Variants in ELANE observed in about 807,000 individuals in gnomAD.
ELANE encodes the protein elastase, neutrophil expressed, also known as neutrophil elastase.
Under a neutral mutation model 20.6 loss-of-function variants are expected in ELANE, and 12 were observed. The ratio of observed to expected loss-of-function variants is 0.58; its 90% CI spans 0.37 to 0.94. The LOEUF is 0.94. Ranked by LOEUF, ELANE falls within the 40% of genes least tolerant of loss-of-function variation. ELANE has a pLI of 0.01. For missense variants in ELANE, 388 were observed against 395.2 expected, an observed-to-expected ratio of 0.98 and a Z score of 0.15; for synonymous variants, 203 against 177.4, an observed-to-expected ratio of 1.14 and a Z score of -1.15.
rs144635045 is a variant in ELANE at position 853,538 on chromosome 19, C to T, written c.366+135C>T. 9,800 of 1,045,560 alleles carry T rather than the reference C, an allele frequency of 9.4e-3. 95 individuals carry two copies. The highest frequency in any genetic ancestry group is 0.025 in the Middle Eastern group (82 of 3,292). 64.8% of individuals were successfully genotyped at this position (1,045,560 alleles called of 1,614,324 possible). On this transcript the variant is annotated intron_variant, in intron 3 of 4. Coordinates refer to ENST00000263621, the MANE Select transcript of ELANE (RefSeq NM_001972.4). The stretch of plus-strand genomic sequence containing the variant: ...ATCGTGGGCTGGGTGGTCCCCTCTC[C>T]GCGCCTCGGTCTGCACCTCTGTGAA...
In ELANE at chr19:855,153, AT is replaced by A. The variant is rs977019262; in HGVS notation, c.367-402del. Among the ~76,000 whole-genome samples, 1 of 151,338 alleles carries A rather than the reference AT, an allele frequency of 6.6e-6. No homozygotes were observed. The highest frequency in any genetic ancestry group is 2.4e-5 in the African/African-American group (1 of 41,198). ...TAGGCGTGAGCCACCGCACCTGGCA[AT>A]TTTTTTTTATTATTTTTGTAGACAT... On this transcript the variant is annotated intron_variant, in intron 3 of 4. Coordinates refer to ENST00000263621, the MANE Select transcript of ELANE (RefSeq NM_001972.4). This position sits in a 1 kb window ranked among gnomAD's most constrained non-coding sequence, Gnocchi z 6.2.
At chr19:853,443 A>G (rs1239551268) in intron 3 of ELANE, 40 bp downstream of exon 3, 2 of 1,535,908 alleles carry the variant, frequency 1.3e-6, no homozygotes, top group African/African-American at 1.4e-5. Flanking sequence ...GGCGGAGGCC[A>G]GAGGCCTGGG....
intron 3 of ELANE, among the ~76,000 whole-genome samples, chr19:853,986 T>C (rs1378924160): frequency 6.7e-6 from 1 of 149,558 alleles, no homozygotes; most frequent in Non-Finnish European, 1.5e-5. Flanking sequence ...ACAAACTTAC[T>C]GAGAAGGGAG....
intron 1 of ELANE, 144 bp from the exon 2 acceptor site, chr19:852,732 A>T: frequency 1.6e-6 from 2 of 1,246,820 alleles, no homozygotes; most frequent in Non-Finnish European, 2.1e-6. Flanking sequence ...AACGGCCCCG[A>T]TCCCGTGGGT....
chr19:852,715 G>T (rs1319623366), intron 1 of ELANE, among the ~76,000 whole-genome samples, 161 bp from the exon 2 acceptor site: 1 of 149,554 alleles, frequency 6.7e-6, no homozygotes, highest in Non-Finnish European at 1.5e-5. Context: ...TGAACAACAG[G>T]GGTGCGAACG....
chr19:852,769 CGGTGGGGGATCCCGTGGGTTCCT>C lies in ELANE; in HGVS notation c.68-94_68-72del, dbSNP rs1165770487. 8.5e-5 allele frequency: 120 copies of C among 1,408,184 alleles called. No homozygotes were observed. In the African/African-American group the frequency reaches 9.1e-4, roughly 11 times the overall value. 87.2% of individuals were successfully genotyped at this position (1,408,184 alleles called of 1,614,324 possible). A position where few individuals can be genotyped will look rare whatever the true frequency, so the allele number is the denominator to read the frequency against. On this transcript the variant is annotated intron_variant, in intron 1 of 4. Coordinates refer to ENST00000263621, the MANE Select transcript of ELANE (RefSeq NM_001972.4). ...CCCGGTGGGGGATCCCGTGGGTTCC[CGGTGGGGGATCCCGTGGGTTCCT>C]GGTGGGGGATCCAGAGGCCCCGTGG...
At position 853,048 on chromosome 19, in the gene ELANE, T is replaced by C; in HGVS notation, c.224+16T>C. 1 of 1,520,948 alleles carries C rather than the reference T, an allele frequency of 6.6e-7. No individual in the cohort carries two copies. Among genetic ancestry groups the C allele is most frequent in the East Asian group, 2.6e-5 (1 of 38,584 alleles). The allele number at this position is 1,520,948 out of a possible 1,614,324, so 94.2% of individuals were successfully genotyped here. A position where few individuals can be genotyped will look rare whatever the true frequency, so the allele number is the denominator to read the frequency against. ...TGGCGAATGTGTGAGTAGCCGGGAG[T>C]GTGCGCGCCCGGCTCGGACCCCGCG... On this transcript the variant is annotated intron_variant, in intron 2 of 4. Coordinates refer to ENST00000263621, the MANE Select transcript of ELANE (RefSeq NM_001972.4).
chr19:854,732 TATA>T lies in ELANE; in HGVS notation c.367-825_367-823del, dbSNP rs533181068. ...ATAATATTTATAATTATTTTATAAT[TATA>T]ATAATATTTATATAATTATAAATAT... On this transcript the variant is annotated intron_variant, in intron 3 of 4. Coordinates refer to ENST00000263621, the MANE Select transcript of ELANE (RefSeq NM_001972.4). 9.6e-3 allele frequency among the ~76,000 whole-genome samples: 1,407 copies of T among 146,184 alleles called. 15 individuals carry two copies. Among genetic ancestry groups the T allele is most frequent in the African/African-American group, 0.017 (682 of 40,386 alleles).
rs949102904 is a variant in ELANE, at chr19:853,116, T to C, written c.224+84T>C. ...GGTGGGGGGAGGCCGGGGCCGGGGC[T>C]GCTGGCGGGGGGGGGTCCGTCCAGG... is the stretch of plus-strand genomic sequence containing the variant. On this transcript the variant is annotated intron_variant, in intron 2 of 4. Coordinates refer to ENST00000263621, the MANE Select transcript of ELANE (RefSeq NM_001972.4). 1.1e-5 allele frequency: 16 copies of C among 1,402,428 alleles called. No individual in the cohort carries two copies. In the African/African-American group the frequency reaches 2.0e-4, roughly 18 times the overall value. The allele number at this position is 1,402,428 out of a possible 1,614,324, so 86.9% of individuals were successfully genotyped here. A position where few individuals can be genotyped will look rare whatever the true frequency, so the allele number is the denominator to read the frequency against.
chr19:855,404 C>T lies in ELANE; in HGVS notation c.367-160C>T, dbSNP rs17223038. Among the ~76,000 whole-genome samples, 3,637 of 152,278 alleles carry T rather than the reference C, an allele frequency of 0.024. 149 individuals are homozygous for T. Among genetic ancestry groups the T allele is most frequent in the African/African-American group, 0.083 (3,441 of 41,550 alleles). ...GCTCCCACTCTACAGATGGGGAAAC[C>T]GAGGCTTGCCTTGGGGAGCAGAGTG... On this transcript the variant is annotated intron_variant, in intron 3 of 4. Coordinates refer to ENST00000263621, the MANE Select transcript of ELANE (RefSeq NM_001972.4). The surrounding 1 kb of genome is among the most constrained non-coding windows in gnomAD (Gnocchi z 6.2).
chr19:852,578 G>A (rs1188847926), intron 1 of ELANE, among the ~76,000 whole-genome samples, 183 bp downstream of exon 1: 1 of 143,772 alleles, frequency 7.0e-6, no homozygotes, highest in Non-Finnish European at 1.5e-5. Context: ...CCAGAGTTGG[G>A]GTTTGAAAAC....
At chr19:854,702 A>C (rs187050818) in intron 3 of ELANE, among the ~76,000 whole-genome samples, 8 of 146,122 alleles carry the variant, frequency 5.5e-5, no homozygotes, top group Non-Finnish European at 7.5e-5. Context: ...ATTTAAATAA[A>C]ATATATAATA....
At position 853,484 on chromosome 19, in the gene ELANE, C is replaced by T. The variant is rs938188222; in HGVS notation, c.366+81C>T. On this transcript the variant is annotated intron_variant, in intron 3 of 4. Transcript: ENST00000263621. ...TGGAGGCTGCGACGGAGGGGCGCGTCGGGGCCGCTCGTGGGGACCTGGGGT... is the reference window on the plus strand; with the variant it reads ...TGGAGGCTGCGACGGAGGGGCGCGTTGGGGCCGCTCGTGGGGACCTGGGGT... 6.0e-6 allele frequency: 9 copies of T among 1,493,862 alleles called. No individual in the cohort carries two copies. In the Admixed American group the frequency reaches 6.1e-5, roughly 10 times the overall value. 92.5% of individuals were successfully genotyped at this position (1,493,862 alleles called of 1,614,324 possible).
In ELANE at chr19:853,021, C is replaced by A; in HGVS notation, c.213C>A (p.Cys71Ter). Residue 71 changes from cysteine to a stop codon, truncating the protein, a stop_gained, in exon 2 of 5, where the codon TGC becomes TGA. Coordinates refer to ENST00000263621, the MANE Select transcript of ELANE (RefSeq NM_001972.4). LOFTEE classifies it high-confidence loss of function. ...ACTTCGTCATGTCGGCCGCGCACTG[C>A]GTGGCGAATGTGTGAGTAGCCGGGA... ...APNFVMSAAH[C>*]VANVNVRAVR... 1 of 1,556,460 alleles carries A rather than the reference C, an allele frequency of 6.4e-7. No individual in the cohort carries two copies. Among genetic ancestry groups the A allele is most frequent in the Non-Finnish European group, 8.6e-7 (1 of 1,157,756 alleles).
In ELANE at chr19:855,775, G is replaced by A. The variant is rs199659114; in HGVS notation, c.578G>A (p.Arg193Gln). ...AACGTCTGCACTCTCGTGAGGGGCCGGCAGGCCGGCGTCTGTTTCGTACGT... is the reference window on the plus strand; with the variant it reads ...AACGTCTGCACTCTCGTGAGGGGCCAGCAGGCCGGCGTCTGTTTCGTACGT... ...RSNVCTLVRG[R>Q]QAGVCFGDSG... is the part of the protein sequence containing the mutation. Residue 193 changes from arginine to glutamine, a missense_variant, in exon 4 of 5, where the codon CGG becomes CAG. Transcript: ENST00000263621. This position sits in a 1 kb window ranked among gnomAD's most constrained non-coding sequence, Gnocchi z 6.2. The A allele has an allele frequency of 4.6e-5, 74 of 1,608,630 alleles. No homozygotes were observed. In the Admixed American group the frequency reaches 5.8e-4, roughly 13 times the overall value.
intron 1 of ELANE, 100 bp from the exon 2 acceptor site, chr19:852,776 G>T: frequency 6.8e-7 from 1 of 1,476,732 alleles, no homozygotes; most frequent in South Asian, 1.3e-5. Context: ...TCCCGGTGGG[G>T]GATCCCGTGG....
chr19:853,219 C>T (rs764707430), intron 2 of ELANE, 43 bp from the exon 3 acceptor site: 7 of 1,550,206 alleles, frequency 4.5e-6, no homozygotes, highest in East Asian at 2.5e-5. Flanking sequence ...TGAGCCCCGA[C>T]CCCCGGGGCC....
chr19:854,378 G>A (rs1225448389), intron 3 of ELANE, among the ~76,000 whole-genome samples: 2 of 151,694 alleles, frequency 1.3e-5, no homozygotes, highest in Non-Finnish European at 2.9e-5. Flanking sequence ...AACCCCGGAG[G>A]CGGAGATTGC....
chr19:855,650 C>T lies in ELANE; in HGVS notation c.453C>T (p.Cys151=), dbSNP rs1328150231. The T allele has an allele frequency of 6.2e-7, 1 of 1,607,108 alleles. No homozygotes were observed. The highest frequency in any genetic ancestry group is 8.5e-7 in the Non-Finnish European group (1 of 1,179,862). Residue 151 remains cysteine (C), a synonymous_variant, in exon 4 of 5, where the codon TGC becomes TGT. Transcript: ENST00000263621. This position sits in a 1 kb window ranked among gnomAD's most constrained non-coding sequence, Gnocchi z 6.2. ...GCCGCCTGGGCAACGGGGTGCAGTG[C>T]CTGGCCATGGGCTGGGGCCTTCTGG... The part of the protein sequence containing the change: ...QGRRLGNGVQ[C]LAMGWGLLGR...
Sources: gnomAD v4.1 joint callset for allele counts (sites outside exome capture counted in the v4.1 genomes callset) on GRCh38, gnomAD v4.1.1 for gene constraint, Gnocchi (gnomAD v3.1) non-coding constraint, MANE v1.5 for transcripts, NCBI Gene and HGNC (gene_info 2026-07-23, HGNC 2026-07-21) for gene names.